Variants in CLVS1 observed in about 807,000 individuals in gnomAD.
CLVS1 encodes clavesin 1.
In CLVS1, 10 loss-of-function variants were observed where a neutral mutation model predicts 33.1. The observed-to-expected ratio is 0.30, with a 90% CI of 0.19 to 0.51. The LOEUF is 0.51. Ranked by LOEUF, CLVS1 falls within the 20% of genes least tolerant of loss-of-function variation. The pLI is 0.97. For missense variants in CLVS1, 343 were observed against 433.4 expected, an observed-to-expected ratio of 0.79 and a Z score of 1.85; for synonymous variants, 163 against 166.1, an observed-to-expected ratio of 0.98 and a Z score of 0.14.
chr8:61,064,886 A>G (rs1337876269), intron 1 of CLVS1, among the ~76,000 whole-genome samples: 3 of 152,144 alleles, frequency 2.0e-5, no homozygotes. Context: ...TATTTTTAGT[A>G]GAGACAGGGT....
chr8:61,325,641 T>C (rs2129596725), intron 2 of CLVS1, among the ~76,000 whole-genome samples: 1 of 152,312 alleles, frequency 6.6e-6, no homozygotes, highest in Middle Eastern at 3.4e-3. Flanking sequence ...TGTTCTTTTA[T>C]CTAGCTGATA....
At chr8:61,344,184 T>TA (rs1462821598) in intron 2 of CLVS1, among the ~76,000 whole-genome samples, 9 of 151,858 alleles carry the variant, frequency 5.9e-5, no homozygotes, top group Non-Finnish European at 2.9e-5. Context: ...ACAGAGAAAT[T>TA]AAAAAAAGAA....
chr8:61,126,229 C>T (rs1176580222), intron 1 of CLVS1, among the ~76,000 whole-genome samples: 1 of 152,172 alleles, frequency 6.6e-6, no homozygotes, highest in African/African-American at 2.4e-5. Flanking sequence ...GTCCAGCTAC[C>T]TCATGGCCTG....
At chr8:61,429,671 T>C (rs1816038952) in intron 3 of CLVS1, among the ~76,000 whole-genome samples, 3 of 152,178 alleles carry the variant, frequency 2.0e-5, no homozygotes, top group Admixed American at 1.3e-4. Context: ...GGAATCATTA[T>C]ATCCAAAAGC....
At chr8:61,483,370 C>A (rs888992490) in intron 5 of CLVS1, among the ~76,000 whole-genome samples, 1 of 152,186 alleles carries the variant, frequency 6.6e-6, no homozygotes, top group Non-Finnish European at 1.5e-5. Flanking sequence ...TGGACACATA[C>A]ACCCTCCTGA....
At chr8:61,346,509 C>T (rs940121658) in intron 2 of CLVS1, among the ~76,000 whole-genome samples, 1 of 152,100 alleles carries the variant, frequency 6.6e-6, no homozygotes, top group African/African-American at 2.4e-5. Context: ...AATAAAGATT[C>T]CCAGCCAGTC....
At chr8:61,298,515 T>A (rs2129594483) in intron 1 of CLVS1, among the ~76,000 whole-genome samples, 1 of 152,312 alleles carries the variant, frequency 6.6e-6, no homozygotes, top group East Asian at 1.9e-4. Flanking sequence ...CTTAAGAAAT[T>A]ACTGTTAGTC....
chr8:61,110,511 TA>T (rs918497176), intron 1 of CLVS1, among the ~76,000 whole-genome samples: 194 of 149,866 alleles, frequency 1.3e-3, no homozygotes, highest in Middle Eastern at 3.4e-3. Flanking sequence ...AAGTGGGATT[TA>T]AAAAAAAAAG....
intron 2 of CLVS1, among the ~76,000 whole-genome samples, chr8:61,315,058 G>A (rs1446072441): frequency 6.6e-6 from 1 of 152,240 alleles, no homozygotes; most frequent in East Asian, 1.9e-4. Flanking sequence ...TCTGTTTGGG[G>A]CTGTACAAAA....
chr8:61,241,160 A>G (rs1405719889), intron 2 of CLVS1, among the ~76,000 whole-genome samples: 1 of 152,106 alleles, frequency 6.6e-6, no homozygotes, highest in East Asian at 1.9e-4. Flanking sequence ...TACCATATGC[A>G]TTTTGGAGGT....
At chr8:61,108,009 T>C (rs1324141863) in intron 1 of CLVS1, among the ~76,000 whole-genome samples, 1 of 152,154 alleles carries the variant, frequency 6.6e-6, no homozygotes, top group South Asian at 2.1e-4. Context: ...GGCTCACGCC[T>C]GTAATCCCAG....
the CLVS1 span, among the ~76,000 whole-genome samples, chr8:60,976,684 G>C: frequency 3.3e-5 from 5 of 152,260 alleles, no homozygotes; most frequent in Non-Finnish European, 7.3e-5. Context: ...GAACATTCAG[G>C]TGAGAGCTTG....
intron 3 of CLVS1, among the ~76,000 whole-genome samples, chr8:61,436,060 CCTG>C (rs1347985450): frequency 6.6e-6 from 1 of 152,130 alleles, no homozygotes; most frequent in Admixed American, 6.5e-5. Context: ...CATTTTGCAG[CCTG>C]CTTTCTCATA....
chr8:61,380,598 G>T (rs1813833114), intron 3 of CLVS1, among the ~76,000 whole-genome samples: 1 of 152,172 alleles, frequency 6.6e-6, no homozygotes, highest in East Asian at 1.9e-4. Flanking sequence ...ATATACTCCT[G>T]CTGGGCTGTT....
the CLVS1 span, among the ~76,000 whole-genome samples, chr8:60,993,456 G>T: frequency 6.6e-6 from 1 of 152,190 alleles, no homozygotes; most frequent in African/African-American, 2.4e-5. Flanking sequence ...CTTGCTGGCT[G>T]GTGTCTCTGA....
At chr8:61,351,561 A>T (rs1367575271) in intron 2 of CLVS1, among the ~76,000 whole-genome samples, 2 of 150,576 alleles carry the variant, frequency 1.3e-5, no homozygotes, top group Non-Finnish European at 3.0e-5. Flanking sequence ...AAATTTGGTT[A>T]AAAAAAAATA....
intron 2 of CLVS1, among the ~76,000 whole-genome samples, chr8:61,150,101 G>GGTATGTGTGTGTGTGT (rs1554540383): frequency 6.8e-6 from 1 of 146,438 alleles, no homozygotes. Flanking sequence ...ATTTGAGAAA[G>GGTATGTGTGTGTGTGT]GTGTGTGTGT....
At chr8:61,193,470 T>C (rs1803941348) in intron 2 of CLVS1, among the ~76,000 whole-genome samples, 1 of 152,070 alleles carries the variant, frequency 6.6e-6, no homozygotes, top group Admixed American at 6.6e-5. Flanking sequence ...TATACATATG[T>C]AACAAACCTC....
chr8:61,191,246 A>T (rs894145650), intron 2 of CLVS1, among the ~76,000 whole-genome samples: 6 of 152,238 alleles, frequency 3.9e-5, no homozygotes, highest in African/African-American at 1.4e-4. Context: ...AACGTAATCC[A>T]GCATGTAAAC....
Sources: allele counts gnomAD v4.1 joint callset (sites outside exome capture counted in the v4.1 genomes callset), GRCh38; gene constraint gnomAD v4.1.1; transcripts MANE v1.5; gene names NCBI Gene and HGNC (gene_info 2026-07-23, HGNC 2026-07-21).